The following ADCY8 variants were observed in gnomAD, a reference collection of about 807,000 sequenced individuals.
ADCY8 encodes adenylate cyclase 8, also known as adenylate cyclase type 8.
In ADCY8, 51 loss-of-function variants were observed where a neutral mutation model predicts 119.7. That is an observed-to-expected ratio of 0.43 (90% CI 0.34 to 0.54). ADCY8 has a LOEUF of 0.54. Among genes scored for constraint, ADCY8 ranks in the 20% least tolerant of loss-of-function variants. The pLI is 0.03. For missense variants in ADCY8, 1,383 were observed against 1,598.8 expected (o/e 0.87, Z 2.30); for synonymous variants, 665 against 651.0 (o/e 1.02, Z -0.33).
chr8:131,021,082 T>C (rs1036083916), intron 1 of ADCY8, among the ~76,000 whole-genome samples: 5 of 152,164 alleles, frequency 3.3e-5, no homozygotes, highest in East Asian at 1.9e-4. Context: ...TCTCAAAAAA[T>C]AGTTAATGTT....
chr8:130,830,600 C>A (rs1586458676), intron 12 of ADCY8, among the ~76,000 whole-genome samples: 1 of 152,146 alleles, frequency 6.6e-6, no homozygotes, highest in Non-Finnish European at 1.5e-5. Flanking sequence ...TCATGTGTGT[C>A]CATATCCTAA....
chr8:130,785,550 C>G, intron 15 of ADCY8, 75 bp from the exon 16 acceptor site: 1 of 1,073,908 alleles, frequency 9.3e-7, no homozygotes. Flanking sequence ...AAAACAGGCC[C>G]CTGGCTCACA....
At chr8:130,796,830 C>A (rs535134806) in intron 15 of ADCY8, among the ~76,000 whole-genome samples, 1 of 150,682 alleles carries the variant, frequency 6.6e-6, no homozygotes, top group East Asian at 2.0e-4. Context: ...TCTCCTCTCT[C>A]CCCTCCTCCC....
intron 8 of ADCY8, among the ~76,000 whole-genome samples, chr8:130,869,526 G>GTTTTTTTTT (rs1275593013): frequency 2.6e-5 from 3 of 114,606 alleles, no homozygotes; most frequent in African/African-American, 9.4e-5. Context: ...TTGTTTTTTT[G>GTTTTTTTTT]TTTTTTTTTG....
In ADCY8 at chr8:131,040,525, T is replaced by C. The variant is rs1824359928; in HGVS notation, c.-192A>G. 3.6e-6 allele frequency: 2 copies of C among 552,920 alleles called. No homozygotes were observed. Among genetic ancestry groups the C allele is most frequent in the Non-Finnish European group, 5.5e-6 (2 of 364,794 alleles). The allele number at this position is 552,920 out of a possible 1,614,324, so 34.3% of individuals were successfully genotyped here. On this transcript the variant is annotated 5_prime_UTR_variant, in exon 1 of 18. Coordinates refer to ENST00000286355, the MANE Select transcript of ADCY8 (RefSeq NM_001115.3). Reference sequence around the variant, plus strand: ...ACTGTGCCCAGGGGCAAAGGGCACCTGGAAGATCGCGGCGGACCTCGGCGT... The same window carrying C: ...ACTGTGCCCAGGGGCAAAGGGCACCCGGAAGATCGCGGCGGACCTCGGCGT...
intron 5 of ADCY8, among the ~76,000 whole-genome samples, chr8:130,926,671 T>C (rs1241332117): frequency 6.6e-6 from 1 of 152,118 alleles, no homozygotes; most frequent in African/African-American, 2.4e-5. Flanking sequence ...AGATGTATAA[T>C]AGGTCTTTTG....
intron 9 of ADCY8, among the ~76,000 whole-genome samples, chr8:130,854,796 T>G (rs1817653978): frequency 7.5e-6 from 1 of 133,444 alleles, no homozygotes; most frequent in Non-Finnish European, 1.6e-5. Flanking sequence ...CCTGCCTCTT[T>G]CCCTCCGTCC....
chr8:130,957,976 A>G (rs1821482367), intron 2 of ADCY8, among the ~76,000 whole-genome samples: 1 of 152,202 alleles, frequency 6.6e-6, no homozygotes, highest in South Asian at 2.1e-4. Flanking sequence ...CAGAAGGGAA[A>G]TGTGGGGTCA....
At chr8:130,874,927 G>C (rs1458470587) in intron 8 of ADCY8, among the ~76,000 whole-genome samples, 1 of 151,980 alleles carries the variant, frequency 6.6e-6, no homozygotes, top group Non-Finnish European at 1.5e-5. Context: ...TTACCTAGAA[G>C]TCCCTGGTTG....
At chr8:131,019,831 C>CTG (rs1234611785) in intron 1 of ADCY8, among the ~76,000 whole-genome samples, 5,839 of 97,028 alleles carry the variant, frequency 0.06, 136 homozygotes, top group South Asian at 0.091. Flanking sequence ...CTCTCTCTCT[C>CTG]TCTCTCTGTC....
At chr8:130,959,557 G>A (rs1380706222) in intron 2 of ADCY8, among the ~76,000 whole-genome samples, 1 of 152,188 alleles carries the variant, frequency 6.6e-6, no homozygotes, top group Admixed American at 6.5e-5. Context: ...GATAGTTGAG[G>A]TAGTAATCAA....
At chr8:130,967,137 G>A (rs1045955660) in intron 2 of ADCY8, among the ~76,000 whole-genome samples, 2 of 152,132 alleles carry the variant, frequency 1.3e-5, no homozygotes, top group Non-Finnish European at 2.9e-5. Flanking sequence ...GGTTTTTTAT[G>A]GAATTTTCAC....
intron 12 of ADCY8, 104 bp downstream of exon 12, chr8:130,836,173 A>T (rs1054124006): frequency 7.8e-7 from 1 of 1,274,562 alleles, no homozygotes; most frequent in Non-Finnish European, 1.1e-6. Flanking sequence ...TCAATATCCA[A>T]TCAGGCCTTA....
intron 11 of ADCY8, among the ~76,000 whole-genome samples, chr8:130,839,719 C>T (rs10505565): frequency 0.052 from 7,331 of 140,232 alleles, 867 homozygotes; most frequent in African/African-American, 0.17. Context: ...AGGCCCACAG[C>T]TCCTAAAGTG....
At chr8:130,795,511 T>G (rs2130090637) in intron 15 of ADCY8, among the ~76,000 whole-genome samples, 1 of 152,348 alleles carries the variant, frequency 6.6e-6, no homozygotes, top group Admixed American at 6.5e-5. Context: ...AAGTCTAAAC[T>G]TTGTCTTCTT....
At chr8:131,019,729 C>T (rs528569162) in intron 1 of ADCY8, among the ~76,000 whole-genome samples, 22 of 151,576 alleles carry the variant, frequency 1.5e-4, no homozygotes, top group African/African-American at 5.3e-4. Context: ...AGCAAGCATA[C>T]CTGACTCACT....
At chr8:130,822,184 G>C (rs1055755169) in intron 12 of ADCY8, among the ~76,000 whole-genome samples, 2 of 152,048 alleles carry the variant, frequency 1.3e-5, no homozygotes, top group Non-Finnish European at 2.9e-5. Context: ...GTTGCCATAG[G>C]AATACACGGG....
chr8:131,032,570 A>G (rs76974340), intron 1 of ADCY8, among the ~76,000 whole-genome samples: 1 of 152,160 alleles, frequency 6.6e-6, no homozygotes, highest in African/African-American at 2.4e-5. Flanking sequence ...GGTGGCTTTT[A>G]TGCCTACCAG....
intron 13 of ADCY8, among the ~76,000 whole-genome samples, chr8:130,817,669 T>C (rs895614297): frequency 6.6e-6 from 1 of 152,118 alleles, no homozygotes; most frequent in African/African-American, 2.4e-5. Context: ...TATGGTAAAA[T>C]GTGTAAATTC....
Sources: allele counts gnomAD v4.1 joint callset (sites outside exome capture counted in the v4.1 genomes callset), GRCh38; gene constraint gnomAD v4.1.1; transcripts MANE v1.5; gene names NCBI Gene and HGNC (gene_info 2026-07-23, HGNC 2026-07-21).